KCNQ1OT1: variants seen among roughly 807,000 people sequenced by gnomAD.
KCNQ1OT1 encodes the protein KCNQ1 opposite strand/antisense transcript 1.
At position 2,695,921 on chromosome 11, in the gene KCNQ1OT1, C is replaced by T. The variant is rs1479524696; in HGVS notation, n.4074G>A. The T allele has an allele frequency of 1.0e-5, 4 of 398,442 alleles. No homozygotes were observed. The highest frequency in any genetic ancestry group is 2.1e-5 in the African/African-American group (1 of 48,618). 24.7% of individuals were successfully genotyped at this position (398,442 alleles called of 1,614,324 possible). ...ACCTTTTTCTTAATGATTTGTGGTGCTTTCTGGTATATTTTAGCTGTTGTT... is the reference window on the plus strand; with the variant it reads ...ACCTTTTTCTTAATGATTTGTGGTGTTTTCTGGTATATTTTAGCTGTTGTT... On this transcript the variant is annotated non_coding_transcript_exon_variant, in exon 1 of 1. Coordinates refer to ENST00000597346, the Ensembl canonical transcript of KCNQ1OT1. This position sits in a 1 kb window ranked among gnomAD's most constrained non-coding sequence, Gnocchi z 5.2.
Position 2,670,821 on chromosome 11 carries a change from C to T in KCNQ1OT1, n.29174G>A, listed in dbSNP as rs1237981344. ...GTTCAGCCTCTATGTGCATCATAAA[C>T]CTGGTGCCACCAGCCAAGGAGGTCA... On this transcript the variant is annotated non_coding_transcript_exon_variant, in exon 1 of 1. Transcript: ENST00000597346. This position sits in a 1 kb window ranked among gnomAD's most constrained non-coding sequence, Gnocchi z 4.9. 9 of 398,564 alleles carry T rather than the reference C, an allele frequency of 2.3e-5. No homozygotes were observed. The East Asian group carries it at 2.9e-4, about 13-fold the overall frequency. 24.7% of individuals were successfully genotyped at this position (398,564 alleles called of 1,614,324 possible). A position where few individuals can be genotyped will look rare whatever the true frequency, so the allele number is the denominator to read the frequency against.
exon 1 of KCNQ1OT1, chr11:2,622,670 T>C (rs1849194166): frequency 2.5e-6 from 1 of 398,528 alleles, no homozygotes; most frequent in African/African-American, 2.1e-5. Context: ...TAGTGTACCA[T>C]TATGATTCTC....
exon 1 of KCNQ1OT1, chr11:2,615,157 T>C (rs1849040764): frequency 2.5e-6 from 1 of 398,278 alleles, no homozygotes; most frequent in East Asian, 3.6e-5. Flanking sequence ...TTTGATGCTA[T>C]TGTAAGTGGA....
At position 2,612,747 on chromosome 11, in the gene KCNQ1OT1, T is replaced by C. The variant is rs1849001316; in HGVS notation, n.87248A>G. On this transcript the variant is annotated non_coding_transcript_exon_variant, in exon 1 of 1. Coordinates refer to ENST00000597346, the Ensembl canonical transcript of KCNQ1OT1. The surrounding 1 kb of genome is among the most constrained non-coding windows in gnomAD (Gnocchi z 5.5). ...TTTGGGGCCCTTCAGAGATAATTCC[T>C]ATTTATTGCTCATTATTCTTGTTCA... is the stretch of plus-strand genomic sequence containing the variant. 5.0e-6 allele frequency: 2 copies of C among 398,520 alleles called. No individual in the cohort carries two copies. Among genetic ancestry groups the C allele is most frequent in the Non-Finnish European group, 8.8e-6 (2 of 226,068 alleles). The allele number at this position is 398,520 out of a possible 1,614,324, so 24.7% of individuals were successfully genotyped here. A position where few individuals can be genotyped will look rare whatever the true frequency, so the allele number is the denominator to read the frequency against.
rs547996714 is a variant in KCNQ1OT1, at chr11:2,662,630, T to G, written n.37365A>C. ...ACGGCATGGCCAGGCCAATCCCCGG[T>G]GCCCGGCCACGGTGTGATTCCCCTG... On this transcript the variant is annotated non_coding_transcript_exon_variant, in exon 1 of 1. Coordinates refer to ENST00000597346, the Ensembl canonical transcript of KCNQ1OT1. 584 of 409,816 alleles carry G rather than the reference T, an allele frequency of 1.4e-3. No homozygotes were observed. The highest frequency in any genetic ancestry group is 2.2e-3 in the Non-Finnish European group (507 of 232,212). 25.4% of individuals were successfully genotyped at this position (409,816 alleles called of 1,614,324 possible).
exon 1 of KCNQ1OT1, chr11:2,694,621 A>G: frequency 2.5e-6 from 1 of 398,602 alleles, no homozygotes; most frequent in Non-Finnish European, 4.4e-6. Flanking sequence ...CAATAAATGA[A>G]TGAAACCATT....
exon 1 of KCNQ1OT1, chr11:2,643,876 G>A (rs951886539): frequency 5.0e-6 from 2 of 398,502 alleles, no homozygotes; most frequent in Non-Finnish European, 8.8e-6. Flanking sequence ...CAGTATTCCT[G>A]GCTGGCAGGT....
chr11:2,644,786 G>A lies in KCNQ1OT1; in HGVS notation n.55209C>T, dbSNP rs139384812. 5.9e-3 allele frequency: 2,366 copies of A among 398,616 alleles called. 34 individuals are homozygous for A. The highest frequency in any genetic ancestry group is 0.035 in the African/African-American group (1,721 of 48,746). The allele number at this position is 398,616 out of a possible 1,614,324, so 24.7% of individuals were successfully genotyped here. On this transcript the variant is annotated non_coding_transcript_exon_variant, in exon 1 of 1. Coordinates refer to ENST00000597346, the Ensembl canonical transcript of KCNQ1OT1. ...TGATTCTGGGTGCCTGCAGTAGTGT[G>A]ATCTCCATGGAATTTTTTTCAGCTG...
chr11:2,658,764 T>A lies in KCNQ1OT1; in HGVS notation n.41231A>T. On this transcript the variant is annotated non_coding_transcript_exon_variant, in exon 1 of 1. Coordinates refer to ENST00000597346, the Ensembl canonical transcript of KCNQ1OT1. This position sits in a 1 kb window ranked among gnomAD's most constrained non-coding sequence, Gnocchi z 4.9. ...CTATATAAAGCTAACCATGAGTTCA[T>A]ACTGACATTTCTGACCAGAGTTCAT... 1 of 398,598 alleles carries A rather than the reference T, an allele frequency of 2.5e-6. No individual in the cohort carries two copies. Among genetic ancestry groups the A allele is most frequent in the Non-Finnish European group, 4.4e-6 (1 of 226,058 alleles). The allele number at this position is 398,598 out of a possible 1,614,324, so 24.7% of individuals were successfully genotyped here. A position where few individuals can be genotyped will look rare whatever the true frequency, so the allele number is the denominator to read the frequency against.
chr11:2,680,004 C>T, exon 1 of KCNQ1OT1: 1 of 396,962 alleles, frequency 2.5e-6, no homozygotes, highest in East Asian at 3.6e-5. Flanking sequence ...AGCAATTCTC[C>T]TGCCTTAGCC....
exon 1 of KCNQ1OT1, chr11:2,660,486 A>G (rs1347779174): frequency 2.5e-6 from 1 of 398,530 alleles, no homozygotes; most frequent in Non-Finnish European, 4.4e-6. Flanking sequence ...TGGGGAAGCT[A>G]TCTATGCCTC....
chr11:2,625,892 T>C (rs943498011), exon 1 of KCNQ1OT1: 8 of 398,512 alleles, frequency 2.0e-5, no homozygotes, highest in East Asian at 1.8e-4. Context: ...TTCAGGTGCA[T>C]TGTTTTTTGG....
chr11:2,620,923 T>C lies in KCNQ1OT1; in HGVS notation n.79072A>G. 2.6e-6 allele frequency: 1 copy of C among 383,730 alleles called. No homozygotes were observed. The highest frequency in any genetic ancestry group is 5.0e-5 in the Admixed American group (1 of 19,992). The allele number at this position is 383,730 out of a possible 1,614,324, so 23.8% of individuals were successfully genotyped here. On this transcript the variant is annotated non_coding_transcript_exon_variant, in exon 1 of 1. Transcript: ENST00000597346. This position sits in a 1 kb window ranked among gnomAD's most constrained non-coding sequence, Gnocchi z 4.5. ...ATGGCATCCCATTATGGTTTGGTGT[T>C]TTTTTGTTGTTGTTGTTTTGTTTTG...
exon 1 of KCNQ1OT1, chr11:2,656,590 T>C (rs1267782314): frequency 2.5e-6 from 1 of 398,576 alleles, no homozygotes; most frequent in Non-Finnish European, 4.4e-6. Context: ...TTTTGTGATG[T>C]GCTACTTTGT....
chr11:2,632,732 G>A (rs572066143), exon 1 of KCNQ1OT1: 3 of 398,338 alleles, frequency 7.5e-6, no homozygotes, highest in Non-Finnish European at 1.3e-5. Context: ...GTTCATCCAT[G>A]TTGCTGTGAA....
exon 1 of KCNQ1OT1, chr11:2,644,355 G>A (rs1849632829): frequency 2.5e-6 from 1 of 398,018 alleles, no homozygotes; most frequent in East Asian, 3.6e-5. Context: ...GCTTGTTGTG[G>A]TCTGTTATTG....
Position 2,678,436 on chromosome 11 carries a change from TC to T in KCNQ1OT1, n.21558del. 1 of 398,654 alleles carries T rather than the reference TC, an allele frequency of 2.5e-6. No homozygotes were observed. Among genetic ancestry groups the T allele is most frequent in the Non-Finnish European group, 4.4e-6 (1 of 226,064 alleles). The allele number at this position is 398,654 out of a possible 1,614,324, so 24.7% of individuals were successfully genotyped here. A position where few individuals can be genotyped will look rare whatever the true frequency, so the allele number is the denominator to read the frequency against. The stretch of plus-strand genomic sequence containing the variant: ...CACTATTTATTTGAGTACATCATCA[TC>T]TCTCTACTAATTTCAACTGCTACCT... On this transcript the variant is annotated non_coding_transcript_exon_variant, in exon 1 of 1. Transcript: ENST00000597346. This position sits in a 1 kb window ranked among gnomAD's most constrained non-coding sequence, Gnocchi z 4.9.
chr11:2,669,075 G>A lies in KCNQ1OT1; in HGVS notation n.30920C>T, dbSNP rs577007419. The stretch of plus-strand genomic sequence containing the variant: ...CCCGTCCTCTCCCAACTACCCTGCC[G>A]TATCAGTGTCTTTACAATCAGCTCA... On this transcript the variant is annotated non_coding_transcript_exon_variant, in exon 1 of 1. Coordinates refer to ENST00000597346, the Ensembl canonical transcript of KCNQ1OT1. This position sits in a 1 kb window ranked among gnomAD's most constrained non-coding sequence, Gnocchi z 5.6. 51 of 398,688 alleles carry A rather than the reference G, an allele frequency of 1.3e-4. No individual in the cohort carries two copies. The highest frequency in any genetic ancestry group is 8.0e-4 in the African/African-American group (39 of 48,738). The allele number at this position is 398,688 out of a possible 1,614,324, so 24.7% of individuals were successfully genotyped here.
At position 2,627,394 on chromosome 11, in the gene KCNQ1OT1, G is replaced by A. The variant is rs11023535; in HGVS notation, n.72601C>T. 0.71 allele frequency: 283,625 copies of A among 398,176 alleles called. 102,338 individuals carry two copies. Among genetic ancestry groups the A allele is most frequent in the East Asian group, 0.86 (24,183 of 28,032 alleles). 24.7% of individuals were successfully genotyped at this position (398,176 alleles called of 1,614,324 possible). A position where few individuals can be genotyped will look rare whatever the true frequency, so the allele number is the denominator to read the frequency against. On this transcript the variant is annotated non_coding_transcript_exon_variant, in exon 1 of 1. Transcript: ENST00000597346. The surrounding 1 kb of genome is among the most constrained non-coding windows in gnomAD (Gnocchi z 4.9). ...ATTAACTATAGTCACCAATCTGGAC[G>A]TTATGTCAAGAACTTATTCATCTGA...
Sources: gnomAD v4.1 joint callset for allele counts on GRCh38, gnomAD v4.1.1 for gene constraint, Gnocchi (gnomAD v3.1) non-coding constraint, MANE v1.5 for transcripts, NCBI Gene and HGNC (gene_info 2026-07-23, HGNC 2026-07-21) for gene names.